Variants in POC1B observed in about 807,000 individuals in gnomAD.
POC1B encodes POC1 centriolar protein B.
POC1B carries 44 observed loss-of-function variants against 60.6 expected under a neutral mutation model. The ratio of observed to expected loss-of-function variants is 0.73; its 90% CI spans 0.57 to 0.93. POC1B has a LOEUF of 0.93. POC1B is among the 40% of genes least tolerant of loss of function. The pLI is 0.00. For synonymous variants in POC1B, 180 were observed against 198.9 expected (o/e 0.90, Z 0.80); for missense variants, 555 against 572.3 (o/e 0.97, Z 0.31).
intron 4 of POC1B, among the ~76,000 whole-genome samples, chr12:89,491,308 G>C (rs1472003850): frequency 6.6e-6 from 1 of 152,088 alleles, no homozygotes; most frequent in East Asian, 1.9e-4. Context: ...CACACTTTCT[G>C]TAAGACATTC....
At chr12:89,452,742 A>T (rs994934431) in intron 10 of POC1B, among the ~76,000 whole-genome samples, 1 of 152,156 alleles carries the variant, frequency 6.6e-6, no homozygotes, top group African/African-American at 2.4e-5. Flanking sequence ...ATCTTTTATT[A>T]CGGTGATACT....
chr12:89,434,724 T>C (rs1881179448), intron 10 of POC1B, among the ~76,000 whole-genome samples: 1 of 152,224 alleles, frequency 6.6e-6, no homozygotes, highest in African/African-American at 2.4e-5. Context: ...CATTACACTT[T>C]GAAGGGCATT....
intron 10 of POC1B, chr12:89,428,434 G>A (rs1358718343): frequency 6.6e-6 from 1 of 152,250 alleles, no homozygotes; most frequent in African/African-American, 2.4e-5. Context: ...TGTATTTGCT[G>A]CTTGTCTATT....
At chr12:89,423,604 C>G (rs956280959) in intron 11 of POC1B, among the ~76,000 whole-genome samples, 1 of 152,200 alleles carries the variant, frequency 6.6e-6, no homozygotes, top group African/African-American at 2.4e-5. Flanking sequence ...CACCGTCCAA[C>G]TTAGTTAGGT....
intron 4 of POC1B, among the ~76,000 whole-genome samples, chr12:89,477,756 C>G (rs888054398): frequency 6.6e-6 from 1 of 152,148 alleles, no homozygotes; most frequent in African/African-American, 2.4e-5. Flanking sequence ...CATCTTTCTG[C>G]TTAAAACCTT....
chr12:89,477,081 C>T (rs1002575860), intron 4 of POC1B, among the ~76,000 whole-genome samples: 1 of 152,148 alleles, frequency 6.6e-6, no homozygotes, highest in Non-Finnish European at 1.5e-5. Context: ...CCGTAATGGC[C>T]ACCATTTCCT....
At position 89,425,229 on chromosome 12, in the gene POC1B, T is replaced by C. The variant is rs1880712443; in HGVS notation, c.1264A>G (p.Arg422Gly). 6.2e-7 allele frequency: 1 copy of C among 1,614,078 alleles called. No homozygotes were observed. The highest frequency in any genetic ancestry group is 8.5e-7 in the Non-Finnish European group (1 of 1,180,026). ...TCAGTCACAGCGAGAGGTATGCTCCTTTGACTTTCACAGGGGAGGTCACTC... is the reference window on the plus strand; with the variant it reads ...TCAGTCACAGCGAGAGGTATGCTCCCTTGACTTTCACAGGGGAGGTCACTC... ...DMSDLPCESQ[R>G]SIPLAVTDAL... is the part of the protein sequence containing the mutation. The change falls in exon 11 of 12, where the codon AGG becomes GGG. Residue 422 changes from arginine to glycine, a missense_variant. By Grantham distance (125) the Arg-to-Gly change is moderately radical. Coordinates refer to ENST00000313546, the MANE Select transcript of POC1B (RefSeq NM_172240.3).
chr12:89,410,694 G>GAAAA, the POC1B span, among the ~76,000 whole-genome samples: 1 of 147,496 alleles, frequency 6.8e-6, no homozygotes, highest in Admixed American at 6.8e-5. Flanking sequence ...AAAAAAAAAG[G>GAAAA]AAAAAGAAAA....
chr12:89,497,429 C>T, intron 2 of POC1B, 87 bp from the exon 3 acceptor site: 1 of 1,354,302 alleles, frequency 7.4e-7, no homozygotes, highest in South Asian at 1.3e-5. Flanking sequence ...TATCTAATAA[C>T]AAGGCATCCA....
At chr12:89,441,951 C>A (rs10858854) in intron 10 of POC1B, among the ~76,000 whole-genome samples, 26,468 of 152,198 alleles carry the variant, frequency 0.17, 3,015 homozygotes, top group South Asian at 0.36. Context: ...GGCACGAGAA[C>A]CATGTGACGC....
At chr12:89,476,751 T>TAGATAGATAGATAGATAGAC (rs1883132123) in intron 4 of POC1B, among the ~76,000 whole-genome samples, 1 of 104,946 alleles carries the variant, frequency 9.5e-6, no homozygotes, top group African/African-American at 3.4e-5. Context: ...GATAGATAGA[T>TAGATAGATAGATAGATAGAC]AGATAGATAG....
intron 10 of POC1B, among the ~76,000 whole-genome samples, chr12:89,445,128 C>T (rs1490335682): frequency 6.6e-6 from 1 of 152,162 alleles, no homozygotes; most frequent in Admixed American, 6.5e-5. Context: ...AATGGAAGAA[C>T]ATTCCATGCT....
At chr12:89,448,433 C>T (rs1881882266) in intron 10 of POC1B, among the ~76,000 whole-genome samples, 3 of 152,182 alleles carry the variant, frequency 2.0e-5, no homozygotes, top group Non-Finnish European at 4.4e-5. Context: ...AATACCTGCA[C>T]ACACCAGAAC....
intron 9 of POC1B, among the ~76,000 whole-genome samples, chr12:89,464,483 GTTTTTTTTT>G (rs766668019): frequency 1.1e-5 from 1 of 94,742 alleles, no homozygotes; most frequent in East Asian, 3.2e-4. Flanking sequence ...TTTTATAAGA[GTTTTTTTTT>G]TTTTTTTTTT....
chr12:89,432,452 T>C (rs1386132808), intron 10 of POC1B, among the ~76,000 whole-genome samples: 1 of 140,420 alleles, frequency 7.1e-6, no homozygotes, highest in African/African-American at 2.6e-5. Flanking sequence ...CTCTTTGCCA[T>C]GTAAGGAAAC....
intron 10 of POC1B, among the ~76,000 whole-genome samples, chr12:89,455,763 A>G (rs2120786968): frequency 6.6e-6 from 1 of 152,332 alleles, no homozygotes; most frequent in African/African-American, 2.4e-5. Context: ...ATTCTGCATT[A>G]TGTTCATATT....
intron 10 of POC1B, among the ~76,000 whole-genome samples, chr12:89,438,462 C>T (rs1030367201): frequency 4.7e-5 from 7 of 149,878 alleles, no homozygotes; most frequent in African/African-American, 1.5e-4. Context: ...GTCTCAAAAA[C>T]AAACAAACAA....
chr12:89,510,066 C>T (rs1489880861), intron 2 of POC1B, among the ~76,000 whole-genome samples: 1 of 152,114 alleles, frequency 6.6e-6, no homozygotes, highest in Non-Finnish European at 1.5e-5. Flanking sequence ...CCAGGCTGGT[C>T]TCGAACTCCT....
At chr12:89,438,768 T>A (rs1881386555) in intron 10 of POC1B, among the ~76,000 whole-genome samples, 1 of 152,222 alleles carries the variant, frequency 6.6e-6, no homozygotes, top group African/African-American at 2.4e-5. Flanking sequence ...GTATCTATGG[T>A]TGCTGCTTCA....
Sources: gnomAD v4.1 joint callset for allele counts (sites outside exome capture counted in the v4.1 genomes callset) on GRCh38, gnomAD v4.1.1 for gene constraint, MANE v1.5 for transcripts, NCBI Gene and HGNC (gene_info 2026-07-23, HGNC 2026-07-21) for gene names.